Variants in RSPO4 observed in about 807,000 individuals in gnomAD.
The protein encoded by RSPO4 is R-spondin 4.
A neutral mutation model predicts 24.8 loss-of-function variants in RSPO4; 23 were observed. That is an observed-to-expected ratio of 0.93 (90% CI 0.67 to 1.31). RSPO4 has a LOEUF of 1.31. Among genes scored for constraint, RSPO4 ranks in the 40% most tolerant of loss-of-function variants. The probability of loss-of-function intolerance (pLI) is 0.00; values close to 1 mark genes in which losing one functional copy is unlikely to be tolerated. For missense variants in RSPO4, 333 were observed against 316.5 expected (o/e 1.05, Z -0.39); for synonymous variants, 141 against 127.4 (o/e 1.11, Z -0.72).
intron 1 of RSPO4, among the ~76,000 whole-genome samples, chr20:995,436 G>A (rs1055916456): frequency 1.3e-5 from 2 of 152,172 alleles, no homozygotes; most frequent in African/African-American, 4.8e-5. Flanking sequence ...AGGCAGGACT[G>A]GGGTGAGGAC....
intron 1 of RSPO4, among the ~76,000 whole-genome samples, chr20:986,739 AAAGT>A (rs970782157): frequency 2.6e-5 from 4 of 152,074 alleles, no homozygotes; most frequent in African/African-American, 9.7e-5. Flanking sequence ...AGTTACACAC[AAAGT>A]AAGCCAAGAA....
intron 3 of RSPO4, among the ~76,000 whole-genome samples, 162 bp from the exon 4 acceptor site, chr20:964,282 A>G (rs981317118): frequency 2.6e-5 from 4 of 152,252 alleles, no homozygotes; most frequent in African/African-American, 9.6e-5. Context: ...GCCTGGAATG[A>G]GAGCGAAACG....
At chr20:974,640 T>A (rs184576008) in intron 1 of RSPO4, among the ~76,000 whole-genome samples, 1 of 152,162 alleles carries the variant, frequency 6.6e-6, no homozygotes, top group African/African-American at 2.4e-5. Context: ...AGTCTTGGGG[T>A]TTTTGCTGAG....
In RSPO4 at chr20:959,185, GTGT is replaced by G. The variant is rs1983903028; in HGVS notation, c.*1169_*1171del. The G allele has an allele frequency of 1.6e-5, 2 of 124,538 alleles. No homozygotes were observed. Among genetic ancestry groups the G allele is most frequent in the Non-Finnish European group, 3.4e-5 (2 of 59,416 alleles). The allele number at this position is 124,538 out of a possible 1,614,324, so 7.7% of individuals were successfully genotyped here. On this transcript the variant is annotated 3_prime_UTR_variant, in exon 5 of 5. Coordinates refer to ENST00000217260, the MANE Select transcript of RSPO4 (RefSeq NM_001029871.4). ...TGGGTGTGGGCAAGTGTGGGGGTGG[GTGT>G]CAGCGTGTGGGGGTGGGTGTCAGCG...
chr20:966,000 G>C (rs1299321455), intron 3 of RSPO4, among the ~76,000 whole-genome samples: 1 of 152,194 alleles, frequency 6.6e-6, no homozygotes, highest in African/African-American at 2.4e-5. Context: ...TCTCGCGCAT[G>C]CCACCCAGGG....
At chr20:986,765 C>A (rs1393285110) in intron 1 of RSPO4, among the ~76,000 whole-genome samples, 2 of 151,972 alleles carry the variant, frequency 1.3e-5, no homozygotes, top group Non-Finnish European at 2.9e-5. Flanking sequence ...ATCCTTAATA[C>A]ACAACGAGCT....
intron 1 of RSPO4, among the ~76,000 whole-genome samples, chr20:983,800 A>C (rs1984817206): frequency 6.6e-6 from 1 of 152,198 alleles, no homozygotes; most frequent in Non-Finnish European, 1.5e-5. Context: ...CTTCTTTCAC[A>C]GGCCAGACTG....
intron 1 of RSPO4, among the ~76,000 whole-genome samples, chr20:982,517 C>G (rs1334511387): frequency 6.6e-6 from 1 of 152,204 alleles, no homozygotes; most frequent in African/African-American, 2.4e-5. Flanking sequence ...CTGACAGGCA[C>G]TGTGCTTGGC....
intron 1 of RSPO4, among the ~76,000 whole-genome samples, chr20:975,629 G>A (rs966399671): frequency 6.6e-6 from 1 of 152,224 alleles, no homozygotes; most frequent in Non-Finnish European, 1.5e-5. Flanking sequence ...AGTTTGCAAA[G>A]TGATAAAGGC....
intron 3 of RSPO4, among the ~76,000 whole-genome samples, chr20:964,681 T>A (rs6056268): frequency 2.0e-5 from 3 of 149,720 alleles, no homozygotes; most frequent in Non-Finnish European, 3.0e-5. Context: ...CATATATACA[T>A]GTATATATAT....
chr20:994,319 C>A (rs959305216), intron 1 of RSPO4, among the ~76,000 whole-genome samples: 11 of 152,152 alleles, frequency 7.2e-5, no homozygotes, highest in Non-Finnish European at 1.3e-4. Flanking sequence ...TGTTCTATGT[C>A]CTGATGGTGC....
chr20:976,346 G>A (rs540247065), intron 1 of RSPO4, among the ~76,000 whole-genome samples: 2 of 152,288 alleles, frequency 1.3e-5, no homozygotes, highest in Admixed American at 1.3e-4. Flanking sequence ...CCAGGGACAT[G>A]GTCTTTTGCC....
At position 967,210 on chromosome 20, in the gene RSPO4, C is replaced by T. The variant is rs369045323; in HGVS notation, c.373G>A (p.Gly125Ser). 31 of 1,614,018 alleles carry T rather than the reference C, an allele frequency of 1.9e-5. 1 individual carries two copies. In the African/African-American group the frequency reaches 3.5e-4, roughly 18 times the overall value. ...CGTGTGTTCTGGTGGGCCAAAGTGC[C>T]CGGCGGGCAGGTGGGCAGACACTTC... ...KGKCLPTCPP[G>S]TLAHQNTREC... The change falls in exon 3 of 5, where the codon GGC becomes AGC. Residue 125 changes from glycine (G) to serine (S), a missense_variant. By Grantham distance (56) the Gly-to-Ser change is moderately conservative (BLOSUM62 0). Coordinates refer to ENST00000217260, the MANE Select transcript of RSPO4 (RefSeq NM_001029871.4).
At chr20:966,964 A>T (rs920239014) in intron 3 of RSPO4, among the ~76,000 whole-genome samples, 2 of 152,234 alleles carry the variant, frequency 1.3e-5, no homozygotes, top group African/African-American at 4.8e-5. Flanking sequence ...TGGTTGTAGT[A>T]GTAATCATAG....
chr20:997,765 A>G (rs992004021), intron 1 of RSPO4, among the ~76,000 whole-genome samples: 3 of 152,188 alleles, frequency 2.0e-5, no homozygotes, highest in Non-Finnish European at 2.9e-5. Flanking sequence ...TTCACTCCAC[A>G]TAACAGGCCT....
chr20:960,087 A>C lies in RSPO4; in HGVS notation c.*270T>G, dbSNP rs1983935614. The C allele has an allele frequency of 1.3e-5, 7 of 542,348 alleles. No individual in the cohort carries two copies. The East Asian group carries it at 2.2e-4, about 17-fold the overall frequency. The allele number at this position is 542,348 out of a possible 1,614,324, so 33.6% of individuals were successfully genotyped here. ...CAGGAAGAAACACAGGAAGAAAGAAAAGGAAAGATAAAAGATAAGTGAGAA... is the reference window on the plus strand; with the variant it reads ...CAGGAAGAAACACAGGAAGAAAGAACAGGAAAGATAAAAGATAAGTGAGAA... On this transcript the variant is annotated 3_prime_UTR_variant, in exon 5 of 5. Coordinates refer to ENST00000217260, the MANE Select transcript of RSPO4 (RefSeq NM_001029871.4).
At chr20:968,275 C>T in intron 1 of RSPO4, 137 bp from the exon 2 acceptor site, 2 of 727,156 alleles carry the variant, frequency 2.8e-6, no homozygotes, top group Non-Finnish European at 4.7e-6. Context: ...ACATTTCCCA[C>T]CTTCCCTTAC....
At chr20:974,110 G>A (rs16995598) in intron 1 of RSPO4, among the ~76,000 whole-genome samples, 12,860 of 152,252 alleles carry the variant, frequency 0.084, 824 homozygotes, top group East Asian at 0.37. Context: ...GCTCTAGAAA[G>A]ATCCAAACTT....
chr20:985,109 A>T (rs1984871658), intron 1 of RSPO4, among the ~76,000 whole-genome samples: 1 of 137,120 alleles, frequency 7.3e-6, no homozygotes, highest in Non-Finnish European at 1.5e-5. Context: ...CCATCTATCC[A>T]TCCATCCATC....
Sources: gnomAD v4.1 joint callset for allele counts (sites outside exome capture counted in the v4.1 genomes callset) on GRCh38, gnomAD v4.1.1 for gene constraint, MANE v1.5 for transcripts, NCBI Gene and HGNC (gene_info 2026-07-23, HGNC 2026-07-21) for gene names.